The following SCFD2 variants were observed in gnomAD, a reference collection of about 807,000 sequenced individuals.
SCFD2 encodes the protein sec1 family domain containing 2, also known as sec1 family domain-containing protein 2.
SCFD2 carries 54 observed loss-of-function variants against 58.9 expected under a neutral mutation model. That is an observed-to-expected ratio of 0.92 (90% confidence interval 0.74 to 1.15). The LOEUF is 1.15. Ranked by LOEUF, SCFD2 falls within the 50% of genes most tolerant of loss-of-function variation. The probability of loss-of-function intolerance (pLI) is 0.00; values close to 1 mark genes in which losing one functional copy is unlikely to be tolerated. For missense variants in SCFD2, 805 were observed against 836.6 expected (o/e 0.96, Z 0.47); for synonymous variants, 321 against 335.9 (o/e 0.96, Z 0.49).
At chr4:53,176,842 G>C (rs147008936) in intron 4 of SCFD2, among the ~76,000 whole-genome samples, 1 of 151,446 alleles carries the variant, frequency 6.6e-6, no homozygotes, top group African/African-American at 2.4e-5. Flanking sequence ...CCAGCTATTC[G>C]GTATGCTGAG....
chr4:53,331,305 A>G (rs1489446607), intron 2 of SCFD2, among the ~76,000 whole-genome samples: 1 of 151,492 alleles, frequency 6.6e-6, no homozygotes, highest in Non-Finnish European at 1.5e-5. Context: ...TTTTTTCAGC[A>G]CCACACCACA....
chr4:53,266,781 T>C (rs1164811562), intron 4 of SCFD2, among the ~76,000 whole-genome samples: 3 of 152,220 alleles, frequency 2.0e-5, no homozygotes, highest in African/African-American at 4.8e-5. Context: ...CTGACAGTGA[T>C]ATTGGACCTT....
chr4:53,314,297 T>C (rs1255091421), intron 2 of SCFD2, among the ~76,000 whole-genome samples: 1 of 152,340 alleles, frequency 6.6e-6, no homozygotes, highest in African/African-American at 2.4e-5. Context: ...TAAGTAGCCA[T>C]GGCCTGAAGT....
intron 5 of SCFD2, among the ~76,000 whole-genome samples, chr4:53,015,258 T>C (rs1722184179): frequency 1.3e-5 from 2 of 152,198 alleles, no homozygotes; most frequent in African/African-American, 4.8e-5. Context: ...GCCAGGATTA[T>C]GGATTTTATT....
chr4:52,906,363 G>A (rs545508951), intron 7 of SCFD2, among the ~76,000 whole-genome samples: 1 of 152,308 alleles, frequency 6.6e-6, no homozygotes, highest in African/African-American at 2.4e-5. Context: ...AGTGGAAAAG[G>A]TTGGAAACCG....
intron 5 of SCFD2, among the ~76,000 whole-genome samples, chr4:52,977,560 A>T (rs1435047169): frequency 6.6e-6 from 1 of 152,188 alleles, no homozygotes; most frequent in African/African-American, 2.4e-5. Flanking sequence ...GGCATCTGGC[A>T]AGGAATGACT....
At chr4:52,894,889 GT>G (rs1718963316) in intron 7 of SCFD2, among the ~76,000 whole-genome samples, 1 of 152,290 alleles carries the variant, frequency 6.6e-6, no homozygotes. Context: ...CCCTAGCTCA[GT>G]TTCTTATCCG....
At chr4:53,295,796 T>C (rs1732009412) in intron 3 of SCFD2, among the ~76,000 whole-genome samples, 2 of 152,236 alleles carry the variant, frequency 1.3e-5, no homozygotes, top group Non-Finnish European at 2.9e-5. Flanking sequence ...CTCTCAATAT[T>C]TTGAGATACA....
At chr4:53,310,740 T>C (rs780026490) in intron 3 of SCFD2, among the ~76,000 whole-genome samples, 35 of 152,188 alleles carry the variant, frequency 2.3e-4, no homozygotes, top group Non-Finnish European at 4.6e-4. Flanking sequence ...TTCCTTTAAG[T>C]AGATGATGTT....
intron 3 of SCFD2, among the ~76,000 whole-genome samples, chr4:53,285,654 T>C (rs535777269): frequency 6.6e-6 from 1 of 151,904 alleles, no homozygotes; most frequent in South Asian, 2.1e-4. Flanking sequence ...AAGGGAGTGG[T>C]GGAAACCATG....
intron 3 of SCFD2, among the ~76,000 whole-genome samples, chr4:53,281,231 G>T (rs548902180): frequency 1.3e-5 from 2 of 152,276 alleles, no homozygotes; most frequent in South Asian, 4.1e-4. Context: ...AATTTAGCAT[G>T]CCTTTTTAAC....
intron 5 of SCFD2, among the ~76,000 whole-genome samples, chr4:53,021,598 A>C (rs1722351160): frequency 6.6e-6 from 1 of 152,124 alleles, no homozygotes; most frequent in Non-Finnish European, 1.5e-5. Flanking sequence ...GTATGCATTA[A>C]GTTCTCCAGG....
At chr4:53,108,923 G>C (rs4864721) in intron 5 of SCFD2, among the ~76,000 whole-genome samples, 1 of 151,908 alleles carries the variant, frequency 6.6e-6, no homozygotes, top group Non-Finnish European at 1.5e-5. Context: ...AAAAAGAAAA[G>C]TTCAGGCCAA....
intron 4 of SCFD2, among the ~76,000 whole-genome samples, chr4:53,153,769 A>G (rs1033287094): frequency 7.2e-5 from 11 of 152,132 alleles, no homozygotes; most frequent in African/African-American, 1.9e-4. Flanking sequence ...TTAAATATCA[A>G]TTCCAACTTT....
At chr4:52,957,861 C>T (rs572655435) in intron 5 of SCFD2, 2 of 152,354 alleles carry the variant, frequency 1.3e-5, no homozygotes, top group Admixed American at 1.3e-4. Flanking sequence ...GTTATACTTA[C>T]ATTTTTCATT....
chr4:53,176,340 A>C (rs531715654), intron 4 of SCFD2, among the ~76,000 whole-genome samples: 2 of 152,352 alleles, frequency 1.3e-5, no homozygotes, highest in Admixed American at 1.3e-4. Context: ...AACTGGTAGA[A>C]TATAATACAT....
chr4:52,953,175 A>AGAG (rs1222803961), intron 5 of SCFD2, among the ~76,000 whole-genome samples: 4 of 152,220 alleles, frequency 2.6e-5, no homozygotes, highest in Admixed American at 2.6e-4. Flanking sequence ...CCTCACAGTG[A>AGAG]GTCCTTGGGA....
chr4:52,946,723 A>G (rs1720438624), intron 5 of SCFD2, among the ~76,000 whole-genome samples: 1 of 152,192 alleles, frequency 6.6e-6, no homozygotes, highest in African/African-American at 2.4e-5. Flanking sequence ...CTCATCTTTT[A>G]AAAATCCTCA....
intron 7 of SCFD2, among the ~76,000 whole-genome samples, chr4:52,899,920 CCTT>C (rs1423270336): frequency 1.1e-4 from 16 of 152,146 alleles, no homozygotes; most frequent in Non-Finnish European, 2.1e-4. Flanking sequence ...TCGCTGATAC[CCTT>C]TTTTCCAGTT....
Sources: gnomAD v4.1 joint callset for allele counts (sites outside exome capture counted in the v4.1 genomes callset) on GRCh38, gnomAD v4.1.1 for gene constraint, MANE v1.5 for transcripts, NCBI Gene and HGNC (gene_info 2026-07-23, HGNC 2026-07-21) for gene names.